Variants in LOXHD1 observed in about 807,000 individuals in gnomAD.
LOXHD1 encodes the protein lipoxygenase homology domain-containing protein 1.
LOXHD1 carries 205 observed loss-of-function variants against 248.2 expected under a neutral mutation model. The observed-to-expected ratio is 0.83, with a 90% CI of 0.74 to 0.93. The LOEUF (loss-of-function observed/expected upper bound fraction) is 0.93, where lower values mean the gene tolerates loss of function less well. Among genes scored for constraint, LOXHD1 ranks in the 40% least tolerant of loss-of-function variants. LOXHD1 has a pLI of 0.00. For missense variants in LOXHD1, 2,930 were observed against 2,971.6 expected, an observed-to-expected ratio of 0.99 and a Z score of 0.33; for synonymous variants, 1,113 against 1,162.8, an observed-to-expected ratio of 0.96 and a Z score of 0.87.
chr18:46,491,473 G>A (rs547038535), intron 37 of LOXHD1, among the ~76,000 whole-genome samples: 1 of 152,340 alleles, frequency 6.6e-6, no homozygotes, highest in East Asian at 1.9e-4. Flanking sequence ...GCGACACCTT[G>A]AGAACTACTG....
intron 8 of LOXHD1, among the ~76,000 whole-genome samples, chr18:46,600,691 C>T (rs1192932328): frequency 1.3e-5 from 2 of 152,050 alleles, no homozygotes; most frequent in Non-Finnish European, 2.9e-5. Flanking sequence ...AGACAAAATT[C>T]ATAATAGTAT....
rs145108482 is a variant in LOXHD1, at chr18:46,604,495, T to C, written c.760-266A>G. Among the ~76,000 whole-genome samples the C allele has an allele frequency of 2.0e-4, 31 of 152,316 alleles. No individual in the cohort carries two copies. The East Asian group carries it at 5.0e-3, about 25-fold the overall frequency. On this transcript the variant is annotated intron_variant, in intron 6 of 40. Transcript: ENST00000642948. Reference sequence around the variant, plus strand: ...CCACTGCTGCAGATCATTTTTTAAATTGAAGCAAAAAATTTGGCAGCATGA... The same window carrying C: ...CCACTGCTGCAGATCATTTTTTAAACTGAAGCAAAAAATTTGGCAGCATGA...
intron 11 of LOXHD1, among the ~76,000 whole-genome samples, 185 bp downstream of exon 11, chr18:46,592,313 T>C (rs2038185985): frequency 6.6e-6 from 1 of 152,140 alleles, no homozygotes. Context: ...CTTAATCTAC[T>C]TCGGAAGTCT....
chr18:46,543,991 G>A (rs1284029606), intron 23 of LOXHD1, among the ~76,000 whole-genome samples: 1 of 152,180 alleles, frequency 6.6e-6, no homozygotes, highest in Non-Finnish European at 1.5e-5. Flanking sequence ...AATCAGTCCT[G>A]AGACTGCCTG....
chr18:46,650,893 C>A (rs780635652), intron 1 of LOXHD1, among the ~76,000 whole-genome samples: 4 of 152,076 alleles, frequency 2.6e-5, no homozygotes, highest in Non-Finnish European at 4.4e-5. Flanking sequence ...GCAAGGTGAC[C>A]CTGGACAAGT....
intron 6 of LOXHD1, among the ~76,000 whole-genome samples, chr18:46,606,477 G>A (rs1022878696): frequency 1.3e-5 from 2 of 152,036 alleles, no homozygotes; most frequent in African/African-American, 4.8e-5. Context: ...CTATATGATG[G>A]GTTGCAGTCC....
intron 1 of LOXHD1, among the ~76,000 whole-genome samples, chr18:46,650,329 T>C (rs1378688079): frequency 6.6e-6 from 1 of 152,176 alleles, no homozygotes; most frequent in Non-Finnish European, 1.5e-5. Context: ...GAATTTACAA[T>C]GTGGAGAGTC....
intron 6 of LOXHD1, among the ~76,000 whole-genome samples, chr18:46,606,341 T>TAC (rs139309417): frequency 0.31 from 45,913 of 150,366 alleles, 7,917 homozygotes; most frequent in East Asian, 0.4. Flanking sequence ...TGTATATATA[T>TAC]ACACACACAC....
intron 17 of LOXHD1, among the ~76,000 whole-genome samples, chr18:46,565,129 G>A (rs2037612288): frequency 1.3e-5 from 2 of 151,898 alleles, no homozygotes; most frequent in South Asian, 4.2e-4. Context: ...CCGGGTGTGG[G>A]GGCATACACC....
At chr18:46,513,068 G>A (rs555193551) in intron 34 of LOXHD1, among the ~76,000 whole-genome samples, 79 of 152,192 alleles carry the variant, frequency 5.2e-4, no homozygotes, top group Non-Finnish European at 9.9e-4. Context: ...AAAAAGAAAG[G>A]AAACAAGAAA....
chr18:46,577,525 G>A (rs1174594365), intron 14 of LOXHD1, among the ~76,000 whole-genome samples, 182 bp downstream of exon 14: 1 of 152,104 alleles, frequency 6.6e-6, no homozygotes, highest in African/African-American at 2.4e-5. Flanking sequence ...GGTGGTAGGG[G>A]GTGAGAAGGG....
intron 8 of LOXHD1, 64 bp from the exon 9 acceptor site, chr18:46,594,530 TCAGCAGGCTCC>T: frequency 6.5e-7 from 1 of 1,540,770 alleles, no homozygotes; most frequent in Non-Finnish European, 8.8e-7. Flanking sequence ...TTCGTGATGT[TCAGCAGGCTCC>T]CAGCCCCACA....
At chr18:46,533,371 G>T in intron 27 of LOXHD1, 47 bp from the exon 28 acceptor site, 1 of 1,543,164 alleles carries the variant, frequency 6.5e-7, no homozygotes. Context: ...TGTGAAAGCT[G>T]CCAACTTCAG....
In LOXHD1 at chr18:46,507,533, C is replaced by T; in HGVS notation, c.5692+5G>A. 6.4e-7 allele frequency: 1 copy of T among 1,551,670 alleles called. No individual in the cohort carries two copies. The stretch of plus-strand genomic sequence containing the variant: ...AGCGGGAGGTGTGAGGGACCCCCGA[C>T]CCACCCAGGATGTCGCTGGTCTTAA... On this transcript the variant is annotated splice_donor_5th_base_variant and intron_variant, in intron 36 of 40. Coordinates refer to ENST00000642948, the MANE Select transcript of LOXHD1 (RefSeq NM_001384474.1).
intron 1 of LOXHD1, among the ~76,000 whole-genome samples, chr18:46,652,694 A>G (rs1376025893): frequency 1.3e-5 from 2 of 152,232 alleles, no homozygotes; most frequent in African/African-American, 4.8e-5. Flanking sequence ...AAACAAGTAC[A>G]TGTGTTCATC....
chr18:46,548,327 G>T (rs2036936693), intron 21 of LOXHD1, among the ~76,000 whole-genome samples: 1 of 149,442 alleles, frequency 6.7e-6, no homozygotes, highest in Non-Finnish European at 1.5e-5. Context: ...GGCAGTGCAG[G>T]CCAAAGGTCC....
chr18:46,560,048 T>TGCCTACCCCC, intron 19 of LOXHD1, 35 bp downstream of exon 19: 10 of 1,226,296 alleles, frequency 8.2e-6, no homozygotes, highest in Middle Eastern at 2.1e-4. Flanking sequence ...GTCTGGCCAC[T>TGCCTACCCCC]CCCTCCCCAC....
chr18:46,551,716 T>C (rs2037113230), intron 21 of LOXHD1, among the ~76,000 whole-genome samples: 1 of 152,116 alleles, frequency 6.6e-6, no homozygotes, highest in Non-Finnish European at 1.5e-5. Context: ...TAAAAAGATA[T>C]CACAATCTTG....
intron 6 of LOXHD1, among the ~76,000 whole-genome samples, chr18:46,604,734 G>T (rs1227012545): frequency 6.6e-6 from 1 of 152,114 alleles, no homozygotes; most frequent in Non-Finnish European, 1.5e-5. Context: ...TAAGGCTAAT[G>T]GACTCTATGA....
Sources: allele counts gnomAD v4.1 joint callset (sites outside exome capture counted in the v4.1 genomes callset), GRCh38; gene constraint gnomAD v4.1.1; transcripts MANE v1.5; gene names NCBI Gene and HGNC (gene_info 2026-07-23, HGNC 2026-07-21).